Variants in CAMK1D observed in about 807,000 individuals in gnomAD.
CAMK1D encodes the protein calcium/calmodulin dependent protein kinase ID, also known as calcium/calmodulin-dependent protein kinase type 1D.
In CAMK1D, 9 loss-of-function variants were observed where a neutral mutation model predicts 47.7. The ratio of observed to expected loss-of-function variants is 0.19; its 90% confidence interval spans 0.11 to 0.33. The LOEUF is 0.33. Among genes scored for constraint, CAMK1D ranks in the 10% least tolerant of loss-of-function variants. CAMK1D has a pLI of 1.00. For missense variants in CAMK1D, 291 were observed against 488.7 expected (o/e 0.60, Z 3.81); for synonymous variants, 184 against 184.9 (o/e 0.99, Z 0.04).
Position 12,814,261 on chromosome 10 carries a change from G to A in CAMK1D, c.708G>A (p.Ala236=), listed in dbSNP as rs1486440173. ...AGCTCTTTGAGCAGATCCTCAAGGC[G>A]GAATATGAGTTTGACTCTCCCTACT... ...DSKLFEQILK[A]EYEFDSPYWD... Residue 236 remains alanine, a synonymous_variant, in exon 7 of 11, where the codon GCG becomes GCA. Coordinates refer to ENST00000619168, the MANE Select transcript of CAMK1D (RefSeq NM_153498.4). 4.3e-6 allele frequency: 7 copies of A among 1,613,906 alleles called. No homozygotes were observed. Among genetic ancestry groups the A allele is most frequent in the Non-Finnish European group, 5.1e-6 (6 of 1,179,846 alleles).
intron 2 of CAMK1D, among the ~76,000 whole-genome samples, chr10:12,573,823 T>TA (rs1169913809): frequency 8.5e-4 from 95 of 111,956 alleles, no homozygotes; most frequent in African/African-American, 2.9e-3. Flanking sequence ...CCTGGCTTAT[T>TA]AAAAAAACTT....
At chr10:12,698,397 A>G (rs541813583) in intron 3 of CAMK1D, among the ~76,000 whole-genome samples, 79 of 152,334 alleles carry the variant, frequency 5.2e-4, no homozygotes, top group African/African-American at 1.3e-3. Flanking sequence ...ATATATGTCA[A>G]TACATAACCT....
intron 1 of CAMK1D, among the ~76,000 whole-genome samples, chr10:12,413,524 A>G (rs369854213): frequency 1.0e-4 from 4 of 38,404 alleles, no homozygotes; most frequent in African/African-American, 2.0e-4. Flanking sequence ...TGATGGTGAT[A>G]ATGGTGATGA....
chr10:12,372,813 T>C (rs917123382), intron 1 of CAMK1D, among the ~76,000 whole-genome samples: 5 of 152,166 alleles, frequency 3.3e-5, no homozygotes, highest in African/African-American at 1.2e-4. Context: ...GCATTTTTAA[T>C]AGAGACTGGG....
At chr10:12,598,228 T>C (rs1838200349) in intron 2 of CAMK1D, among the ~76,000 whole-genome samples, 1 of 152,232 alleles carries the variant, frequency 6.6e-6, no homozygotes, top group Non-Finnish European at 1.5e-5. Context: ...GGATGTTCAA[T>C]TGCTTTTCTG....
chr10:12,353,007 G>C (rs897512519), intron 1 of CAMK1D, among the ~76,000 whole-genome samples: 2 of 152,106 alleles, frequency 1.3e-5, no homozygotes, highest in Non-Finnish European at 2.9e-5. Flanking sequence ...AAAGTGCTGG[G>C]ATTACAGGCG....
chr10:12,479,172 C>T (rs951385766), intron 1 of CAMK1D, among the ~76,000 whole-genome samples: 14 of 152,070 alleles, frequency 9.2e-5, no homozygotes, highest in African/African-American at 2.9e-4. Flanking sequence ...TCCCCAGTGA[C>T]GCTGGAGAAG....
At chr10:12,499,985 A>T (rs1834651913) in intron 1 of CAMK1D, among the ~76,000 whole-genome samples, 1 of 152,120 alleles carries the variant, frequency 6.6e-6, no homozygotes, top group Non-Finnish European at 1.5e-5. Flanking sequence ...AGCTGTCTGG[A>T]CCACATTTGG....
Position 12,388,544 on chromosome 10 carries a change from C to T in CAMK1D, c.92+38634C>T, listed in dbSNP as rs3013018. ...TGGCCCAGGAAATGTTTTTGGCAGT[C>T]TGAGTGTTTTGTCTTCTCTGTTGGG... On this transcript the variant is annotated intron_variant, in intron 1 of 10. Coordinates refer to ENST00000619168, the MANE Select transcript of CAMK1D (RefSeq NM_153498.4). Among the ~76,000 whole-genome samples, 311 of 152,304 alleles carry T rather than the reference C, an allele frequency of 2.0e-3. 1 individual carries two copies. The highest frequency in any genetic ancestry group is 7.1e-3 in the African/African-American group (296 of 41,556).
intron 1 of CAMK1D, among the ~76,000 whole-genome samples, chr10:12,361,703 C>A (rs1432646953): frequency 1.3e-5 from 2 of 149,230 alleles, no homozygotes; most frequent in African/African-American, 5.0e-5. Context: ...TTACAGGCGC[C>A]CACCACCACG....
chr10:12,816,190 C>G, intron 7 of CAMK1D, 60 bp from the exon 8 acceptor site: 1 of 1,387,082 alleles, frequency 7.2e-7, no homozygotes, highest in Non-Finnish European at 1.0e-6. Flanking sequence ...CTGGTGGGAT[C>G]ATATTGTCAC....
intron 1 of CAMK1D, among the ~76,000 whole-genome samples, chr10:12,397,509 C>T (rs1386326956): frequency 6.6e-6 from 1 of 152,182 alleles, no homozygotes; most frequent in Non-Finnish European, 1.5e-5. Flanking sequence ...AACTCTAGCC[C>T]TGAATTGAAC....
At chr10:12,432,695 GA>G (rs1832521058) in intron 1 of CAMK1D, among the ~76,000 whole-genome samples, 1 of 152,218 alleles carries the variant, frequency 6.6e-6, no homozygotes, top group South Asian at 2.1e-4. Context: ...GTTGAATAAT[GA>G]ATGAATGAGT....
intron 1 of CAMK1D, among the ~76,000 whole-genome samples, chr10:12,502,457 C>T (rs968213169): frequency 6.6e-6 from 1 of 152,134 alleles, no homozygotes; most frequent in Non-Finnish European, 1.5e-5. Context: ...GGCAGGTCCT[C>T]GGCCGCAGGA....
intron 1 of CAMK1D, among the ~76,000 whole-genome samples, chr10:12,499,132 C>G (rs1236802986): frequency 7.2e-6 from 1 of 139,652 alleles, no homozygotes; most frequent in Non-Finnish European, 1.5e-5. Context: ...ATGCTGTTTG[C>G]TGATTAATGA....
chr10:12,437,168 C>G (rs1391962505), intron 1 of CAMK1D, among the ~76,000 whole-genome samples: 1 of 151,294 alleles, frequency 6.6e-6, no homozygotes, highest in Non-Finnish European at 1.5e-5. Context: ...TATCATCTAT[C>G]TGTCCATCTG....
At chr10:12,402,005 C>T (rs995363668) in intron 1 of CAMK1D, among the ~76,000 whole-genome samples, 1 of 151,980 alleles carries the variant, frequency 6.6e-6, no homozygotes, top group African/African-American at 2.4e-5. Flanking sequence ...AAGCTATTCT[C>T]ATGCCTCAGC....
intron 2 of CAMK1D, among the ~76,000 whole-genome samples, chr10:12,614,117 AT>A: frequency 6.6e-6 from 1 of 152,010 alleles, no homozygotes; most frequent in Non-Finnish European, 1.5e-5. Flanking sequence ...CTCACACCAG[AT>A]TTTCTGCTTT....
At chr10:12,618,077 A>G (rs1838878155) in intron 2 of CAMK1D, among the ~76,000 whole-genome samples, 1 of 152,226 alleles carries the variant, frequency 6.6e-6, no homozygotes. Flanking sequence ...TTTTGGATCT[A>G]GTATTGAGAG....
Sources: gnomAD v4.1 joint callset for allele counts (sites outside exome capture counted in the v4.1 genomes callset) on GRCh38, gnomAD v4.1.1 for gene constraint, MANE v1.5 for transcripts, NCBI Gene and HGNC (gene_info 2026-07-23, HGNC 2026-07-21) for gene names.